The following MAN1C1 variants were observed in gnomAD, a reference collection of about 807,000 sequenced individuals.
MAN1C1 encodes the protein mannosyl-oligosaccharide 1,2-alpha-mannosidase IC.
Under a neutral mutation model 71.5 loss-of-function variants are expected in MAN1C1, and 49 were observed. That is an observed-to-expected ratio of 0.69 (90% CI 0.54 to 0.87). The LOEUF is 0.87. Ranked by LOEUF, MAN1C1 falls within the 40% of genes least tolerant of loss-of-function variation. MAN1C1 has a pLI of 0.00. For missense variants in MAN1C1, 743 were observed against 835.0 expected (o/e 0.89, Z 1.36); for synonymous variants, 352 against 343.7 (o/e 1.02, Z -0.27).
Position 25,778,159 on chromosome 1 carries a change from G to A in MAN1C1, c.1312G>A (p.Glu438Lys), listed in dbSNP as rs1389335064. 9 of 1,605,582 alleles carry A rather than the reference G, an allele frequency of 5.6e-6. No individual in the cohort carries two copies. The highest frequency in any genetic ancestry group is 1.3e-5 in the African/African-American group (1 of 74,522). The change falls in exon 9 of 12, where the codon GAG (glutamate) becomes AAG (lysine). Residue 438 changes from glutamate to lysine, a missense_variant. Physicochemically the swap from Glu to Lys is moderately conservative, Grantham distance 56. Coordinates refer to ENST00000374332, the MANE Select transcript of MAN1C1 (RefSeq NM_020379.4). The surrounding 1 kb of genome is among the most constrained non-coding windows in gnomAD (Gnocchi z 5.5). ...TCCCGGGGGGCTGACCTACATTGCC[G>A]AGTGGCGAGGGGGGATTCTGGACCA... ...VSPGGLTYIA[E>K]WRGGILDHKM...
At chr1:25,683,772 G>C (rs1364490890) in intron 1 of MAN1C1, among the ~76,000 whole-genome samples, 2 of 152,146 alleles carry the variant, frequency 1.3e-5, no homozygotes, top group East Asian at 3.9e-4. Flanking sequence ...GGACCACCTG[G>C]ATAGGAGGCT....
chr1:25,772,881 C>A (rs564365381), intron 8 of MAN1C1, among the ~76,000 whole-genome samples: 2 of 152,300 alleles, frequency 1.3e-5, no homozygotes, highest in East Asian at 3.9e-4. Context: ...CCCCAGGCGA[C>A]TCCCACCTCA....
chr1:25,774,821 A>C (rs904576403), intron 8 of MAN1C1, among the ~76,000 whole-genome samples: 1 of 98,232 alleles, frequency 1.0e-5, no homozygotes, highest in Non-Finnish European at 2.5e-5. Context: ...TTGTTAATAC[A>C]TTAAAAAAAA....
In MAN1C1 at chr1:25,735,362, T is replaced by A. The variant is rs111458090; in HGVS notation, c.638-11306T>A. The stretch of plus-strand genomic sequence containing the variant: ...TGAACCCAGGAGGTGGAGATTGCAG[T>A]GAGCAGAGATCACACCACTGCACTC... On this transcript the variant is annotated intron_variant, in intron 2 of 11. Coordinates refer to ENST00000374332, the MANE Select transcript of MAN1C1 (RefSeq NM_020379.4). This position sits in a 1 kb window ranked among gnomAD's most constrained non-coding sequence, Gnocchi z 4.6. 2.0e-5 allele frequency among the ~76,000 whole-genome samples: 3 copies of A among 152,254 alleles called. No homozygotes were observed. Among genetic ancestry groups the A allele is most frequent in the African/African-American group, 7.2e-5 (3 of 41,564 alleles).
In MAN1C1 at chr1:25,781,485, A is replaced by G. The variant is rs115316712; in HGVS notation, c.1650+373A>G. On this transcript the variant is annotated intron_variant, in intron 10 of 11. Transcript: ENST00000374332. The stretch of plus-strand genomic sequence containing the variant: ...TCCTGATCTCGAAGCTGGGCAGCTC[A>G]CCTCCACCTCCCTCCTCTTCCCACA... Among the ~76,000 whole-genome samples, 992 of 151,744 alleles carry G rather than the reference A, an allele frequency of 6.5e-3. 17 individuals carry two copies. The highest frequency in any genetic ancestry group is 0.023 in the African/African-American group (950 of 41,362).
At chr1:25,729,304 G>T (rs1214501188) in intron 2 of MAN1C1, among the ~76,000 whole-genome samples, 1 of 152,112 alleles carries the variant, frequency 6.6e-6, no homozygotes, top group African/African-American at 2.4e-5. Context: ...GCGGGTTCCT[G>T]CTCATCCTTC....
At chr1:25,677,864 T>C (rs1291924751) in intron 1 of MAN1C1, among the ~76,000 whole-genome samples, 2 of 148,096 alleles carry the variant, frequency 1.4e-5, no homozygotes, top group Non-Finnish European at 3.0e-5. Context: ...TTTTTTTTTT[T>C]TTTTTTTTTA....
Position 25,750,197 on chromosome 1 carries a change from A to G in MAN1C1, c.834+862A>G, listed in dbSNP as rs372391711. Among the ~76,000 whole-genome samples the G allele has an allele frequency of 2.8e-4, 41 of 145,778 alleles. No individual in the cohort carries two copies. In the South Asian group the frequency reaches 9.4e-3, roughly 33 times the overall value. ...GATAGGAAGGAAAGGGTGGGGCCCC[A>G]AGGCTGATGGCTCCAAAGCCCATCT... On this transcript the variant is annotated intron_variant, in intron 4 of 11. Transcript: ENST00000374332.
At position 25,764,096 on chromosome 1, in the gene MAN1C1, C is replaced by A; in HGVS notation, c.1141+129C>A. ...AGCCATGCAGCCAGCAAGGCATTCG[C>A]TCGGTGCTCCTGGACACCACCTGCC... On this transcript the variant is annotated intron_variant, in intron 7 of 11. Transcript: ENST00000374332. This position sits in a 1 kb window ranked among gnomAD's most constrained non-coding sequence, Gnocchi z 4.4. The A allele has an allele frequency of 2.8e-6, 2 of 723,646 alleles. No homozygotes were observed. The highest frequency in any genetic ancestry group is 4.7e-6 in the Non-Finnish European group (2 of 425,870). The allele number at this position is 723,646 out of a possible 1,614,324, so 44.8% of individuals were successfully genotyped here.
rs189335129 is a variant in MAN1C1, at chr1:25,775,777, G to A, written c.1258-2328G>A. On this transcript the variant is annotated intron_variant, in intron 8 of 11. Coordinates refer to ENST00000374332, the MANE Select transcript of MAN1C1 (RefSeq NM_020379.4). This position sits in a 1 kb window ranked among gnomAD's most constrained non-coding sequence, Gnocchi z 5.1. Reference sequence around the variant, plus strand: ...GCCCCGAAGCAGGAAGAAAAATGCAGCTTTCAAGAATGTCACCTTTGCAGA... The same window carrying A: ...GCCCCGAAGCAGGAAGAAAAATGCAACTTTCAAGAATGTCACCTTTGCAGA... Among the ~76,000 whole-genome samples the A allele has an allele frequency of 2.0e-5, 3 of 152,310 alleles. No homozygotes were observed. The East Asian group carries it at 5.8e-4, about 29-fold the overall frequency.
In MAN1C1 at chr1:25,631,490, C is replaced by G. The variant is rs942841161; in HGVS notation, c.540+13153C>G. Among the ~76,000 whole-genome samples the G allele has an allele frequency of 2.0e-5, 3 of 152,046 alleles. No individual in the cohort carries two copies. Among genetic ancestry groups the G allele is most frequent in the African/African-American group, 7.2e-5 (3 of 41,392 alleles). Reference sequence around the variant, plus strand: ...ATCTTATTGAATGCTTTTTCTGCAACTATTGAGATGATCGTATGGTTTTTG... The same window carrying G: ...ATCTTATTGAATGCTTTTTCTGCAAGTATTGAGATGATCGTATGGTTTTTG... On this transcript the variant is annotated intron_variant, in intron 1 of 11. Transcript: ENST00000374332. The surrounding 1 kb of genome is among the most constrained non-coding windows in gnomAD (Gnocchi z 4.2).
At chr1:25,781,168 G>GGCTGGGT in intron 10 of MAN1C1, 56 bp downstream of exon 10, 2 of 1,587,406 alleles carry the variant, frequency 1.3e-6, no homozygotes, top group African/African-American at 1.3e-5. Flanking sequence ...AGAATTTACA[G>GGCTGGGT]GCTGGGTGCT....
chr1:25,649,097 C>T (rs1225093230), intron 1 of MAN1C1, among the ~76,000 whole-genome samples: 1 of 152,210 alleles, frequency 6.6e-6, no homozygotes, highest in African/African-American at 2.4e-5. Context: ...TTATGTCAAG[C>T]ACGTACCAGG....
intron 2 of MAN1C1, among the ~76,000 whole-genome samples, chr1:25,733,948 C>T (rs1156719312): frequency 6.6e-6 from 1 of 151,494 alleles, no homozygotes; most frequent in Non-Finnish European, 1.5e-5. Context: ...TACAGGCGCC[C>T]GCCACCACGC....
intron 8 of MAN1C1, among the ~76,000 whole-genome samples, chr1:25,774,050 AC>A (rs1300155376): frequency 6.6e-6 from 1 of 151,096 alleles, no homozygotes; most frequent in African/African-American, 2.4e-5. Context: ...AAAGACCTTC[AC>A]CCCTGCCTGC....
At chr1:25,771,625 A>C (rs1453065766) in intron 7 of MAN1C1, 32 bp from the exon 8 acceptor site, 7 of 1,543,052 alleles carry the variant, frequency 4.5e-6, no homozygotes, top group Non-Finnish European at 6.3e-6. Flanking sequence ...CGGCAGATGG[A>C]GATAATGTTC....
At chr1:25,684,728 A>C (rs2046204033) in intron 1 of MAN1C1, among the ~76,000 whole-genome samples, 1 of 152,212 alleles carries the variant, frequency 6.6e-6, no homozygotes, top group African/African-American at 2.4e-5. Flanking sequence ...CCGAGCATGG[A>C]GAATACAGGT....
chr1:25,670,108 A>G (rs2124129026), intron 1 of MAN1C1, among the ~76,000 whole-genome samples: 2 of 152,362 alleles, frequency 1.3e-5, no homozygotes, highest in Admixed American at 1.3e-4. Context: ...GCCCTCCTGG[A>G]GCCTTTGTTC....
chr1:25,722,884 G>T (rs1036859495), intron 2 of MAN1C1, among the ~76,000 whole-genome samples: 5 of 152,146 alleles, frequency 3.3e-5, no homozygotes, highest in African/African-American at 4.8e-5. Flanking sequence ...ATAGGTGTTT[G>T]TTCTCTAGAG....
Sources: allele counts gnomAD v4.1 joint callset (sites outside exome capture counted in the v4.1 genomes callset), GRCh38; gene constraint gnomAD v4.1.1; non-coding constraint Gnocchi (gnomAD v3.1); transcripts MANE v1.5; gene names NCBI Gene and HGNC (gene_info 2026-07-23, HGNC 2026-07-21).